UBQLN1: variants seen among roughly 807,000 people sequenced by gnomAD.
The protein encoded by UBQLN1 is ubiquilin 1.
UBQLN1 carries 13 observed loss-of-function variants against 65.4 expected under a neutral mutation model. That is an observed-to-expected ratio of 0.20 (90% CI 0.13 to 0.32). The LOEUF (loss-of-function observed/expected upper bound fraction) is 0.32. UBQLN1 is among the 10% of genes least tolerant of loss of function. The pLI, the probability that UBQLN1 is intolerant of heterozygous loss-of-function variation, is 1.00. For missense variants in UBQLN1, 561 were observed against 724.0 expected, an observed-to-expected ratio of 0.77 and a Z score of 2.58; for synonymous variants, 267 against 247.8, an observed-to-expected ratio of 1.08 and a Z score of -0.73.
intron 6 of UBQLN1, 62 bp downstream of exon 6, chr9:83,677,665 C>T: frequency 1.7e-6 from 2 of 1,210,722 alleles, no homozygotes; most frequent in Non-Finnish European, 1.2e-6. Context: ...AGAGTATAAA[C>T]AATGTTTTAA....
intron 1 of UBQLN1, 31 bp downstream of exon 1, chr9:83,707,469 C>A: frequency 6.3e-7 from 1 of 1,589,842 alleles, no homozygotes; most frequent in South Asian, 1.1e-5. Flanking sequence ...GCCGCCACCC[C>A]CATCCCGGCC....
chr9:83,686,774 T>C (rs1456097279), intron 1 of UBQLN1, among the ~76,000 whole-genome samples: 6 of 152,158 alleles, frequency 3.9e-5, no homozygotes, highest in African/African-American at 1.2e-4. Flanking sequence ...ACCCCAAATA[T>C]GAAATGCACC....
In UBQLN1 at chr9:83,677,924, G is replaced by A. The variant is rs1243704087; in HGVS notation, c.908C>T (p.Thr303Ile). 6.2e-7 allele frequency: 1 copy of A among 1,613,900 alleles called. No individual in the cohort carries two copies. Among genetic ancestry groups the A allele is most frequent in the Admixed American group, 1.7e-5 (1 of 60,008 alleles). Residue 303 changes from threonine to isoleucine, a missense_variant, in exon 6 of 11, where the codon ACA (threonine) becomes ATA (isoleucine). Transcript: ENST00000376395. ...AGGTTGACTACCTTCACCAGAGGAT[G>A]TATTGCTCACCAAGGAAGCAAATGG... ...GNPFASLVSN[T>I]SSGEGSQPSR...
chr9:83,677,767 C>T lies in UBQLN1; in HGVS notation c.1065G>A (p.Gly355=), dbSNP rs1564164198. The change falls in exon 6 of 11, where the codon GGG becomes GGA. Residue 355 remains glycine (G), a synonymous_variant. Coordinates refer to ENST00000376395, the MANE Select transcript of UBQLN1 (RefSeq NM_013438.5). ...CCAAATTTGGCGCAGTAGTACTCTG[C>T]CCAGAAGTGCCACTGGCAGTACTAC... ...TTGSTASGTS[G]QSTTAPNLVP... is the part of the protein sequence containing the mutation. 1.9e-6 allele frequency: 3 copies of T among 1,613,928 alleles called. No homozygotes were observed. The highest frequency in any genetic ancestry group is 3.3e-5 in the Admixed American group (2 of 60,008).
rs879768458 is a variant in UBQLN1, at chr9:83,660,439, A to T, written c.*1348T>A. The T allele has an allele frequency of 5.2e-5, 8 of 152,632 alleles. No homozygotes were observed. The highest frequency in any genetic ancestry group is 1.0e-4 in the Non-Finnish European group (7 of 68,034). 9.5% of individuals were successfully genotyped at this position (152,632 alleles called of 1,614,324 possible). A position where few individuals can be genotyped will look rare whatever the true frequency, so the allele number is the denominator to read the frequency against. ...ATTATGTTTTAATTGGTCCTAAAGGAATGTACCACCCCAACAGTTTGGGAG... is the reference window on the plus strand; with the variant it reads ...ATTATGTTTTAATTGGTCCTAAAGGTATGTACCACCCCAACAGTTTGGGAG... On this transcript the variant is annotated 3_prime_UTR_variant, in exon 11 of 11. Transcript: ENST00000376395.
chr9:83,704,999 T>G (rs951613455), intron 1 of UBQLN1, among the ~76,000 whole-genome samples: 1 of 152,206 alleles, frequency 6.6e-6, no homozygotes, highest in East Asian at 1.9e-4. Flanking sequence ...TTCTAATCTT[T>G]TGCAGTAAAA....
At chr9:83,706,759 A>G (rs1263862443) in intron 1 of UBQLN1, among the ~76,000 whole-genome samples, 3 of 152,278 alleles carry the variant, frequency 2.0e-5, no homozygotes, top group African/African-American at 7.2e-5. Context: ...GCAACCGCTA[A>G]TATCAACATC....
chr9:83,691,208 T>C (rs901106621), intron 1 of UBQLN1, among the ~76,000 whole-genome samples: 2 of 152,016 alleles, frequency 1.3e-5, no homozygotes, highest in South Asian at 4.2e-4. Context: ...CATATATATA[T>C]ATATGCCTCA....
chr9:83,699,534 G>C (rs11140218), intron 1 of UBQLN1, among the ~76,000 whole-genome samples: 1,529 of 152,228 alleles, frequency 0.01, 15 homozygotes, highest in South Asian at 0.018. Flanking sequence ...CGAACTCCAG[G>C]AGGTGGGGGC....
intron 1 of UBQLN1, among the ~76,000 whole-genome samples, chr9:83,687,297 T>C (rs947397092): frequency 6.6e-6 from 1 of 152,202 alleles, no homozygotes; most frequent in African/African-American, 2.4e-5. Flanking sequence ...AAGAGCATCA[T>C]GCTATAAAGA....
At chr9:83,686,266 A>G in intron 1 of UBQLN1, 111 bp from the exon 2 acceptor site, 1 of 687,506 alleles carries the variant, frequency 1.5e-6, no homozygotes, top group East Asian at 3.3e-5. Context: ...CAATTCAAAC[A>G]CCATAATCCC....
chr9:83,662,273 TACACACACAC>T (rs370539805), intron 10 of UBQLN1, among the ~76,000 whole-genome samples: 3,838 of 143,386 alleles, frequency 0.027, 166 homozygotes, highest in African/African-American at 0.09. Flanking sequence ...CATATACATA[TACACACACAC>T]ACACACACAC....
rs754313264 is a variant in UBQLN1 at position 83,677,895 on chromosome 9, G to A, written c.937C>T (p.Arg313Cys). Residue 313 changes from arginine (R) to cysteine (C), a missense_variant, in exon 6 of 11, where the codon CGT (arginine) becomes TGT (cysteine). Physicochemically the swap from Arg to Cys is radical, Grantham distance 180 (BLOSUM62 -3). Transcript: ENST00000376395. ...TSSGEGSQPS[R>C]TENRDPLPNP... ...GGTAGTGGATCTCTATTTTCTGTAC[G>A]GGAAGGTTGACTACCTTCACCAGAG... 1.2e-5 allele frequency: 20 copies of A among 1,613,994 alleles called. No homozygotes were observed. Among genetic ancestry groups the A allele is most frequent in the African/African-American group, 2.7e-5 (2 of 74,902 alleles).
At chr9:83,673,531 C>G (rs1354188885) in intron 6 of UBQLN1, among the ~76,000 whole-genome samples, 2 of 117,958 alleles carry the variant, frequency 1.7e-5, no homozygotes, top group Non-Finnish European at 3.2e-5. Context: ...GGTGACAGGT[C>G]GAGACTCGGT....
chr9:83,668,530 C>T (rs1831679058), intron 7 of UBQLN1: 1 of 985,298 alleles, frequency 1.0e-6, no homozygotes, highest in Non-Finnish European at 1.2e-6. Context: ...CTCAAAATCT[C>T]TAAGGATGAG....
At chr9:83,664,922 C>CT in intron 9 of UBQLN1, 108 bp downstream of exon 9, 1 of 605,024 alleles carries the variant, frequency 1.7e-6, no homozygotes, top group Non-Finnish European at 2.4e-6. Context: ...CTGTATCCCA[C>CT]CAAAAAAAAA....
intron 2 of UBQLN1, among the ~76,000 whole-genome samples, 164 bp from the exon 3 acceptor site, chr9:83,683,230 G>C (rs1831976770): frequency 1.3e-5 from 2 of 152,106 alleles, no homozygotes; most frequent in African/African-American, 4.8e-5. Flanking sequence ...GGCTAACACA[G>C]TGAAACCCCA....
At chr9:83,673,843 C>G (rs1460167897) in intron 6 of UBQLN1, among the ~76,000 whole-genome samples, 1 of 152,034 alleles carries the variant, frequency 6.6e-6, no homozygotes, top group Non-Finnish European at 1.5e-5. Context: ...GCTCTGTCTC[C>G]CAGGCTGGAG....
intron 6 of UBQLN1, among the ~76,000 whole-genome samples, chr9:83,674,778 G>A (rs1224128326): frequency 2.6e-5 from 4 of 152,172 alleles, no homozygotes; most frequent in Non-Finnish European, 4.4e-5. Flanking sequence ...TCAATGGTAA[G>A]TCTGAAGTGA....
Sources: allele counts gnomAD v4.1 joint callset (sites outside exome capture counted in the v4.1 genomes callset), GRCh38; gene constraint gnomAD v4.1.1; transcripts MANE v1.5; gene names NCBI Gene and HGNC (gene_info 2026-07-23, HGNC 2026-07-21).